The following DYNC2I1 variants were observed in gnomAD, a reference collection of about 807,000 sequenced individuals.
The protein encoded by DYNC2I1 is cytoplasmic dynein 2 intermediate chain 1.
In DYNC2I1, 89 loss-of-function variants were observed where a neutral mutation model predicts 133.4. That is an observed-to-expected ratio of 0.67 (90% CI 0.56 to 0.80). The LOEUF is 0.80. Among genes scored for constraint, DYNC2I1 ranks in the 30% least tolerant of loss-of-function variants. The pLI, the probability that DYNC2I1 is intolerant of heterozygous loss-of-function variation, is 0.00. For missense variants in DYNC2I1, 1,291 were observed against 1,314.5 expected (o/e 0.98, Z 0.28); for synonymous variants, 504 against 484.3 (o/e 1.04, Z -0.54).
chr7:158,860,724 T>G (rs142007418), intron 1 of DYNC2I1, among the ~76,000 whole-genome samples: 149 of 152,370 alleles, frequency 9.8e-4, no homozygotes, highest in African/African-American at 3.5e-3. Context: ...GTTATGAAAT[T>G]TATTAATCAT....
the DYNC2I1 span, among the ~76,000 whole-genome samples, chr7:158,841,190 TA>T: frequency 1.6e-4 from 14 of 87,400 alleles, 1 homozygote; most frequent in African/African-American, 2.4e-4. Context: ...TATATATATA[TA>T]TATATATATA....
At position 158,871,319 on chromosome 7, in the gene DYNC2I1, G is replaced by T; in HGVS notation, c.247G>T (p.Glu83Ter). The T allele has an allele frequency of 1.9e-6, 3 of 1,561,440 alleles. No individual in the cohort carries two copies. Among genetic ancestry groups the T allele is most frequent in the Non-Finnish European group, 2.6e-6 (3 of 1,152,156 alleles). The stretch of plus-strand genomic sequence containing the variant: ...CACCGCTAAGGAGAGTCCTCGTGGG[G>T]AGAGGGACAGAGACAGACAGAGGGA... Reference protein sequence around the residue: ...VHTAKESPRGERDRDRQRERR... With the variant: ...VHTAKESPRG Residue 83 changes from glutamate to a stop codon, truncating the protein, a stop_gained, in exon 3 of 25, where the codon GAG becomes TAG. Transcript: ENST00000407559. LOFTEE classifies it high-confidence loss of function.
At chr7:158,888,487 G>A (rs542284083) in intron 7 of DYNC2I1, among the ~76,000 whole-genome samples, 38 of 146,764 alleles carry the variant, frequency 2.6e-4, no homozygotes, top group African/African-American at 7.6e-4. Flanking sequence ...ATATATATAC[G>A]TTGAGATGGA....
chr7:158,913,838 A>G (rs1045801648), intron 13 of DYNC2I1, among the ~76,000 whole-genome samples: 2 of 152,152 alleles, frequency 1.3e-5, no homozygotes, highest in African/African-American at 4.8e-5. Context: ...CCTCCCGAGT[A>G]GCTGGGACTA....
intron 8 of DYNC2I1, among the ~76,000 whole-genome samples, chr7:158,892,566 T>C (rs2709857): frequency 0.42 from 64,138 of 151,880 alleles, 14,409 homozygotes; most frequent in East Asian, 0.7. Flanking sequence ...CTCAGCCTTT[T>C]GAGTAGTTGG....
Position 158,923,595 on chromosome 7 carries a change from T to C in DYNC2I1, c.2119T>C (p.Leu707=). 6.2e-7 allele frequency: 1 copy of C among 1,614,012 alleles called. No individual in the cohort carries two copies. Among genetic ancestry groups the C allele is most frequent in the African/African-American group, 1.3e-5 (1 of 75,054 alleles). ...SQVTCCCLSP[L]KAFLLFAGTA... Reference sequence around the variant, plus strand: ...GGTCACGTGTTGCTGCTTGAGCCCTTTGAAAGCATTTTTACTGTTTGCCGG... The same window carrying C: ...GGTCACGTGTTGCTGCTTGAGCCCTCTGAAAGCATTTTTACTGTTTGCCGG... Residue 707 remains leucine, a synonymous_variant, in exon 17 of 25, where the codon TTG becomes CTG. Coordinates refer to ENST00000407559, the MANE Select transcript of DYNC2I1 (RefSeq NM_018051.5).
chr7:158,928,364 C>T (rs1325740117), intron 20 of DYNC2I1, among the ~76,000 whole-genome samples: 1 of 152,136 alleles, frequency 6.6e-6, no homozygotes, highest in East Asian at 1.9e-4. Flanking sequence ...GGGGTGTTTT[C>T]CCATGTAGAT....
chr7:158,860,631 T>G (rs1841791671), intron 1 of DYNC2I1, among the ~76,000 whole-genome samples: 2 of 152,214 alleles, frequency 1.3e-5, no homozygotes, highest in African/African-American at 4.8e-5. Flanking sequence ...GACTATTAAT[T>G]TTTATGGTCA....
intron 6 of DYNC2I1, among the ~76,000 whole-genome samples, chr7:158,885,474 T>A (rs1844508437): frequency 6.6e-6 from 1 of 152,032 alleles, no homozygotes; most frequent in Admixed American, 6.6e-5. Context: ...CCCAAGTAGC[T>A]GGAACTACAG....
intron 1 of DYNC2I1, among the ~76,000 whole-genome samples, chr7:158,863,278 A>T (rs946763000): frequency 6.6e-6 from 1 of 151,868 alleles, no homozygotes; most frequent in Non-Finnish European, 1.5e-5. Flanking sequence ...CAGAGCGCTG[A>T]TTGGTCCGTT....
At position 158,922,436 on chromosome 7, in the gene DYNC2I1, C is replaced by T. The variant is rs1309156203; in HGVS notation, c.1981C>T (p.His661Tyr). The change falls in exon 16 of 25, where the codon CAC (histidine) becomes TAC (tyrosine). Residue 661 changes from histidine (H) to tyrosine (Y), a missense_variant. Coordinates refer to ENST00000407559, the MANE Select transcript of DYNC2I1 (RefSeq NM_018051.5). ...RVQRQMVVSV[H>Y]DLPEKSFVPL... ...TCAGAGGCAGATGGTGGTCTCCGTT[C>T]ACGACTTACCCGAGAAGAGCTTTGT... is the stretch of plus-strand genomic sequence containing the variant. 1.2e-5 allele frequency: 19 copies of T among 1,613,908 alleles called. No homozygotes were observed. The highest frequency in any genetic ancestry group is 3.3e-5 in the South Asian group (3 of 91,090).
At chr7:158,884,451 A>T (rs1046037799) in intron 5 of DYNC2I1, 113 bp from the exon 6 acceptor site, 3 of 852,702 alleles carry the variant, frequency 3.5e-6, no homozygotes, top group Non-Finnish European at 5.5e-6. Flanking sequence ...CTTGTGATGT[A>T]CATGCTGTTG....
chr7:158,927,174 G>T (rs1004968773), intron 20 of DYNC2I1, 131 bp downstream of exon 20: 4 of 631,598 alleles, frequency 6.3e-6, no homozygotes, highest in Admixed American at 2.9e-5. Context: ...GGCTGAGGAA[G>T]GAGGATTGCT....
At chr7:158,852,696 G>A (rs1170082398), upstream of DYNC2I1, among the ~76,000 whole-genome samples, 4 of 152,122 alleles carry the variant, frequency 2.6e-5, no homozygotes, top group Non-Finnish European at 5.9e-5. Context: ...CTGAGATCGC[G>A]CCATTGCATT....
intron 21 of DYNC2I1, among the ~76,000 whole-genome samples, chr7:158,932,961 G>A (rs1213176782): frequency 6.6e-6 from 1 of 152,214 alleles, no homozygotes; most frequent in African/African-American, 2.4e-5. Context: ...GTTGGGAGCA[G>A]CCCAGTGTGT....
chr7:158,896,492 G>A (rs112502785), intron 8 of DYNC2I1, among the ~76,000 whole-genome samples: 2 of 152,020 alleles, frequency 1.3e-5, no homozygotes, highest in South Asian at 4.1e-4. Flanking sequence ...TTTTTTTGAG[G>A]CAGGGTGTTA....
At chr7:158,865,591 GT>G (rs1378576766) in intron 1 of DYNC2I1, among the ~76,000 whole-genome samples, 1 of 152,184 alleles carries the variant, frequency 6.6e-6, no homozygotes, top group African/African-American at 2.4e-5. Context: ...CCACTAGTGC[GT>G]GGGCTGAATC....
In DYNC2I1 at chr7:158,905,918, A is replaced by G; in HGVS notation, c.1358-71A>G. ...TGTTATATATGCCTATAATTGTTTT[A>G]CTCCAGATATTTTTTTGCTTGGAAG... is the stretch of plus-strand genomic sequence containing the variant. On this transcript the variant is annotated intron_variant, in intron 10 of 24. Transcript: ENST00000407559. 10 of 1,178,206 alleles carry G rather than the reference A, an allele frequency of 8.5e-6. No homozygotes were observed. The South Asian group carries it at 1.4e-4, about 16-fold the overall frequency. 73.0% of individuals were successfully genotyped at this position (1,178,206 alleles called of 1,614,324 possible).
rs184902537 is a variant in DYNC2I1 at position 158,881,160 on chromosome 7, G to A, written c.879+1171G>A. On this transcript the variant is annotated intron_variant, in intron 5 of 24. Transcript: ENST00000407559. ...TGCCTGGCTCCCGGCCATCTCAGCC[G>A]CTCTTGGCGCTGTCCTGCATGGGGT... 2.2e-4 allele frequency among the ~76,000 whole-genome samples: 34 copies of A among 152,360 alleles called. No individual in the cohort carries two copies. In the East Asian group the frequency reaches 3.5e-3, roughly 16 times the overall value.
Sources: allele counts gnomAD v4.1 joint callset (sites outside exome capture counted in the v4.1 genomes callset), GRCh38; gene constraint gnomAD v4.1.1; transcripts MANE v1.5; gene names NCBI Gene and HGNC (gene_info 2026-07-23, HGNC 2026-07-21).